Variants in PTPRT observed in about 807,000 individuals in gnomAD.
The protein encoded by PTPRT is protein tyrosine phosphatase receptor type T.
In PTPRT, 56 loss-of-function variants were observed where a neutral mutation model predicts 176.8. The ratio of observed to expected loss-of-function variants is 0.32; its 90% CI spans 0.26 to 0.40. The LOEUF is 0.40. Among genes scored for constraint, PTPRT ranks in the 10% least tolerant of loss-of-function variants. The probability of loss-of-function intolerance (pLI) is 1.00; values close to 1 mark genes in which losing one functional copy is unlikely to be tolerated. For synonymous variants in PTPRT, 783 were observed against 739.0 expected, an observed-to-expected ratio of 1.06 and a Z score of -0.96; for missense variants, 1,540 against 1,908.2, an observed-to-expected ratio of 0.81 and a Z score of 3.60.
At chr20:43,087,900 A>G (rs2011663900) in intron 1 of PTPRT, among the ~76,000 whole-genome samples, 2 of 152,176 alleles carry the variant, frequency 1.3e-5, no homozygotes, top group Non-Finnish European at 2.9e-5. Context: ...AAGGGGAAGA[A>G]TGGATGGGAG....
intron 3 of PTPRT, among the ~76,000 whole-genome samples, chr20:42,788,483 G>C (rs1225146367): frequency 6.6e-6 from 1 of 151,890 alleles, no homozygotes; most frequent in East Asian, 1.9e-4. Flanking sequence ...GTCACCCATG[G>C]GCAGGCCAAG....
downstream of PTPRT, among the ~76,000 whole-genome samples, chr20:42,068,132 TAAC>T (rs1428529413): frequency 3.3e-5 from 5 of 152,292 alleles, no homozygotes; most frequent in Non-Finnish European, 5.9e-5. Context: ...ATTTCATTGT[TAAC>T]TTCCCTGCAT....
intron 7 of PTPRT, among the ~76,000 whole-genome samples, chr20:42,567,171 G>T (rs1318271920): frequency 6.6e-6 from 1 of 151,974 alleles, no homozygotes; most frequent in Non-Finnish European, 1.5e-5. Context: ...TACTCAAGAG[G>T]CTGAGGCAGG....
chr20:42,611,292 G>A (rs2073971819), intron 7 of PTPRT, among the ~76,000 whole-genome samples: 1 of 152,178 alleles, frequency 6.6e-6, no homozygotes, highest in African/African-American at 2.4e-5. Flanking sequence ...AACAGTGTAT[G>A]AGGATCCAAT....
chr20:42,054,200 G>A, the PTPRT span, among the ~76,000 whole-genome samples: 1 of 152,150 alleles, frequency 6.6e-6, no homozygotes, highest in Non-Finnish European at 1.5e-5. Context: ...TGAGCAAGGT[G>A]GGGATAAGGT....
chr20:42,173,433 G>A (rs1990158746), intron 16 of PTPRT, among the ~76,000 whole-genome samples: 1 of 151,894 alleles, frequency 6.6e-6, no homozygotes, highest in African/African-American at 2.4e-5. Context: ...TAAACATCTA[G>A]GTATAATTTT....
chr20:42,101,743 G>A (rs555182662), intron 26 of PTPRT, among the ~76,000 whole-genome samples: 6 of 152,322 alleles, frequency 3.9e-5, no homozygotes, highest in East Asian at 1.9e-4. Context: ...TGTCTGCACC[G>A]TCTTGTGTTC....
chr20:43,171,885 C>T (rs2015009504), intron 1 of PTPRT, among the ~76,000 whole-genome samples: 1 of 152,198 alleles, frequency 6.6e-6, no homozygotes, highest in African/African-American at 2.4e-5. Flanking sequence ...ACCCTAACCC[C>T]TCTCCTCCTG....
intron 23 of PTPRT, among the ~76,000 whole-genome samples, chr20:42,107,307 G>C (rs1336385989): frequency 6.6e-6 from 1 of 152,158 alleles, no homozygotes; most frequent in Non-Finnish European, 1.5e-5. Context: ...TGAATGACAG[G>C]ACAGAAACGA....
At chr20:42,578,611 C>T (rs1168806539) in intron 7 of PTPRT, among the ~76,000 whole-genome samples, 1 of 152,186 alleles carries the variant, frequency 6.6e-6, no homozygotes, top group African/African-American at 2.4e-5. Context: ...CTCTCTTTTT[C>T]TCACTTCCAC....
rs145457529 is a variant in PTPRT, at chr20:43,012,924, C to T, written c.89-126992G>A. 9.0e-3 allele frequency among the ~76,000 whole-genome samples: 1,370 copies of T among 152,110 alleles called. 13 individuals carry two copies. Among genetic ancestry groups the T allele is most frequent in the Non-Finnish European group, 0.014 (972 of 67,998 alleles). Reference sequence around the variant, plus strand: ...CAGGCTTGGTTAACTTTCTTGCCCTCACCTGCTTGACCTGCCTCCCTTGCT... The same window carrying T: ...CAGGCTTGGTTAACTTTCTTGCCCTTACCTGCTTGACCTGCCTCCCTTGCT... On this transcript the variant is annotated intron_variant, in intron 1 of 30. Transcript: ENST00000373187.
chr20:42,337,269 T>C (rs1245294385), intron 11 of PTPRT, among the ~76,000 whole-genome samples: 3 of 152,168 alleles, frequency 2.0e-5, no homozygotes, highest in Non-Finnish European at 1.5e-5. Flanking sequence ...GAAAACCCAT[T>C]TCTTAGCAGA....
chr20:42,305,711 C>G (rs1176912452), intron 12 of PTPRT, among the ~76,000 whole-genome samples: 2 of 152,252 alleles, frequency 1.3e-5, no homozygotes, highest in African/African-American at 4.8e-5. Context: ...TTACTTGTTA[C>G]AAAGGTCCTA....
chr20:42,053,799 A>G, the PTPRT span, among the ~76,000 whole-genome samples: 1 of 152,164 alleles, frequency 6.6e-6, no homozygotes, highest in South Asian at 2.1e-4. Context: ...TTTATTTAGC[A>G]CCTATTTGGA....
intron 29 of PTPRT, among the ~76,000 whole-genome samples, chr20:42,084,401 C>G (rs1276893736): frequency 2.6e-5 from 4 of 152,220 alleles, no homozygotes; most frequent in Non-Finnish European, 5.9e-5. Flanking sequence ...TCCCTTTAAG[C>G]CCATTGTAGA....
At chr20:42,490,116 T>C (rs1050888391) in intron 7 of PTPRT, among the ~76,000 whole-genome samples, 3 of 152,212 alleles carry the variant, frequency 2.0e-5, no homozygotes, top group African/African-American at 7.2e-5. Context: ...TATTACAGCA[T>C]GCATTTTTAT....
At chr20:42,854,883 T>C (rs77942964) in intron 2 of PTPRT, among the ~76,000 whole-genome samples, 8,886 of 152,222 alleles carry the variant, frequency 0.058, 573 homozygotes, top group African/African-American at 0.16. Context: ...TTCAATAAAA[T>C]TAAGATCTCG....
At chr20:42,920,764 A>G (rs1979095173) in intron 1 of PTPRT, among the ~76,000 whole-genome samples, 1 of 152,206 alleles carries the variant, frequency 6.6e-6, no homozygotes, top group Non-Finnish European at 1.5e-5. Context: ...AAACTGCAGC[A>G]TACATTTGAA....
At position 43,118,598 on chromosome 20, in the gene PTPRT, C is replaced by T. The variant is rs1363335832; in HGVS notation, c.88+71048G>A. 1.3e-5 allele frequency among the ~76,000 whole-genome samples: 2 copies of T among 152,162 alleles called. 1 individual carries two copies. The highest frequency in any genetic ancestry group is 6.3e-3 in the Middle Eastern group (2 of 316). On this transcript the variant is annotated intron_variant, in intron 1 of 30. Coordinates refer to ENST00000373187, the MANE Select transcript of PTPRT (RefSeq NM_007050.6). ...GTGACTACAGGCACACGCCACCATG[C>T]CCGGCTAATTTTTGTATTTTTAGTA...
Sources: allele counts gnomAD v4.1 joint callset (sites outside exome capture counted in the v4.1 genomes callset), GRCh38; gene constraint gnomAD v4.1.1; transcripts MANE v1.5; gene names NCBI Gene and HGNC (gene_info 2026-07-23, HGNC 2026-07-21).